GNB1L: variants seen among roughly 807,000 people sequenced by gnomAD.
GNB1L encodes the protein G protein subunit beta 1 like.
A neutral mutation model predicts 29.1 loss-of-function variants in GNB1L; 20 were observed. The observed-to-expected ratio is 0.69, with a 90% confidence interval of 0.48 to 1.00. GNB1L has a LOEUF of 1.00. Ranked by LOEUF, GNB1L falls within the 50% of genes least tolerant of loss-of-function variation. GNB1L has a pLI of 0.00. For synonymous variants in GNB1L, 193 were observed against 206.5 expected, an observed-to-expected ratio of 0.93 and a Z score of 0.56; for missense variants, 421 against 464.9, an observed-to-expected ratio of 0.91 and a Z score of 0.87.
Position 19,788,675 on chromosome 22 carries a change from G to T in GNB1L, c.*34C>A. The T allele has an allele frequency of 6.2e-7, 1 of 1,612,116 alleles. No homozygotes were observed. Among genetic ancestry groups the T allele is most frequent in the Non-Finnish European group, 8.5e-7 (1 of 1,179,410 alleles). On this transcript the variant is annotated 3_prime_UTR_variant, in exon 8 of 8. Coordinates refer to ENST00000329517, the MANE Select transcript of GNB1L (RefSeq NM_053004.3). The stretch of plus-strand genomic sequence containing the variant: ...GGGCCTGATGCCCACCTCCCTGCCC[G>T]CCCTCCTCGTCTCCCGGGAAGGGAG...
At chr22:19,851,783 CCAT>C (rs2081395616) in intron 2 of GNB1L, 1 of 1,613,470 alleles carries the variant, frequency 6.2e-7, no homozygotes, top group South Asian at 1.1e-5. Context: ...GGGCAGGTCC[CCAT>C]CAAGGTAGGG....
intron 2 of GNB1L, among the ~76,000 whole-genome samples, chr22:19,835,311 T>C (rs1231631572): frequency 6.7e-6 from 1 of 149,642 alleles, no homozygotes; most frequent in Non-Finnish European, 1.5e-5. Flanking sequence ...TCCTCTCAAA[T>C]GCACATGGAG....
At chr22:19,830,551 A>G (rs1432801193) in intron 2 of GNB1L, among the ~76,000 whole-genome samples, 1 of 152,228 alleles carries the variant, frequency 6.6e-6, no homozygotes, top group Non-Finnish European at 1.5e-5. Flanking sequence ...GATTTGAACA[A>G]AGGAAAAAGG....
At chr22:19,848,784 A>G (rs970438402) in intron 2 of GNB1L, 3 of 985,554 alleles carry the variant, frequency 3.0e-6, no homozygotes, top group Non-Finnish European at 1.2e-6. Flanking sequence ...CAAAGCCCCA[A>G]TAGGACAGGG....
chr22:19,850,736 T>C, intron 2 of GNB1L: 1 of 1,239,960 alleles, frequency 8.1e-7, no homozygotes, highest in Non-Finnish European at 1.0e-6. Context: ...AGAAACCCCA[T>C]ACAGGAACGA....
In GNB1L at chr22:19,846,947, C is replaced by CCCTCCCAT. The variant is rs1367273821; in HGVS notation, c.-21+7488_-21+7495dup. On this transcript the variant is annotated intron_variant, in intron 2 of 7. Coordinates refer to ENST00000329517, the MANE Select transcript of GNB1L (RefSeq NM_053004.3). ...ATGTTGCCCTGGGATGGATGCAGGC[C>CCCTCCCAT]CCTCCCATCCTCCCATCCTCAGCAG... The CCCTCCCAT allele has an allele frequency of 4.1e-6, 4 of 985,454 alleles. No individual in the cohort carries two copies. In the African/African-American group the frequency reaches 5.2e-5, roughly 13 times the overall value. The allele number at this position is 985,454 out of a possible 1,614,324, so 61.0% of individuals were successfully genotyped here. A position where few individuals can be genotyped will look rare whatever the true frequency, so the allele number is the denominator to read the frequency against.
chr22:19,824,300 T>C (rs980293868), intron 2 of GNB1L, among the ~76,000 whole-genome samples: 1 of 152,246 alleles, frequency 6.6e-6, no homozygotes, highest in African/African-American at 2.4e-5. Context: ...ATCATCACAT[T>C]CCCCTATCTT....
rs1387016242 is a variant in GNB1L at position 19,785,018 on chromosome 22, C to T, written c.*3691G>A. The T allele has an allele frequency of 6.6e-6, 1 of 152,250 alleles. No individual in the cohort carries two copies. Among genetic ancestry groups the T allele is most frequent in the Admixed American group, 6.5e-5 (1 of 15,288 alleles). 9.4% of individuals were successfully genotyped at this position (152,250 alleles called of 1,614,324 possible). On this transcript the variant is annotated 3_prime_UTR_variant, in exon 8 of 8. Transcript: ENST00000329517. This position sits in a 1 kb window ranked among gnomAD's most constrained non-coding sequence, Gnocchi z 4.1. The stretch of plus-strand genomic sequence containing the variant: ...AAAAAGCCCCCAGCCGCGCTGCCAC[C>T]CTGACGCAGCCTTGTGGGGCCCTGA...
At chr22:19,812,995 GGTAGAACAGAT>G (rs1937512304) in intron 4 of GNB1L, among the ~76,000 whole-genome samples, 1 of 152,234 alleles carries the variant, frequency 6.6e-6, no homozygotes, top group Non-Finnish European at 1.5e-5. Context: ...GCGTACACCT[GGTAGAACAGAT>G]GAGGAAACCA....
intron 2 of GNB1L, among the ~76,000 whole-genome samples, chr22:19,831,986 CCT>C (rs1937687412): frequency 6.6e-6 from 1 of 152,086 alleles, no homozygotes; most frequent in South Asian, 2.1e-4. Context: ...CTCATTACAG[CCT>C]CTCTCTCAGG....
intron 2 of GNB1L, among the ~76,000 whole-genome samples, chr22:19,828,669 GT>G (rs1052172241): frequency 5.5e-4 from 83 of 150,412 alleles, no homozygotes; most frequent in Admixed American, 2.7e-3. Flanking sequence ...ATATATAACA[GT>G]TTTTAATATC....
chr22:19,819,764 G>A (rs1411726463), intron 4 of GNB1L, among the ~76,000 whole-genome samples: 4 of 152,166 alleles, frequency 2.6e-5, no homozygotes, highest in East Asian at 1.9e-4. Context: ...GAACACACAC[G>A]TGAGCTCGGG....
intron 7 of GNB1L, among the ~76,000 whole-genome samples, chr22:19,799,997 C>T (rs1937351285): frequency 6.6e-6 from 1 of 152,246 alleles, no homozygotes; most frequent in Non-Finnish European, 1.5e-5. Flanking sequence ...CAACACAGGG[C>T]TCAGCAGGGG....
intron 7 of GNB1L, 133 bp from the exon 8 acceptor site, chr22:19,789,093 T>C (rs2145858028): frequency 1.0e-6 from 1 of 954,394 alleles, no homozygotes; most frequent in Non-Finnish European, 1.6e-6. Flanking sequence ...CACACGCTCC[T>C]ACCCAGCTGA....
chr22:19,786,062 G>C lies in GNB1L; in HGVS notation c.*2647C>G, dbSNP rs1179297740. On this transcript the variant is annotated 3_prime_UTR_variant, in exon 8 of 8. Transcript: ENST00000329517. ...GCTCTCCCAGGCAGCTCAGCCAGGTGAATGAAAGTCCTGGGCCTGCCCTCC... is the reference window on the plus strand; with the variant it reads ...GCTCTCCCAGGCAGCTCAGCCAGGTCAATGAAAGTCCTGGGCCTGCCCTCC... 6.6e-6 allele frequency: 1 copy of C among 152,326 alleles called. No homozygotes were observed. Among genetic ancestry groups the C allele is most frequent in the Non-Finnish European group, 1.5e-5 (1 of 68,100 alleles). The allele number at this position is 152,326 out of a possible 1,614,324, so 9.4% of individuals were successfully genotyped here.
At chr22:19,804,621 A>G (rs5748443) in intron 6 of GNB1L, among the ~76,000 whole-genome samples, 32,105 of 148,596 alleles carry the variant, frequency 0.22, 3,553 homozygotes, top group South Asian at 0.35. Context: ...AATGTTTCAG[A>G]AAAAAAAAAA....
chr22:19,831,762 ATTAATATCT>A (rs1252240665), intron 2 of GNB1L, among the ~76,000 whole-genome samples: 1 of 151,920 alleles, frequency 6.6e-6, no homozygotes, highest in Non-Finnish European at 1.5e-5. Flanking sequence ...AAATTTAAAA[ATTAATATCT>A]TTAAAATATA....
At chr22:19,848,449 T>C in intron 2 of GNB1L, 4 of 985,456 alleles carry the variant, frequency 4.1e-6, no homozygotes, top group Non-Finnish European at 4.8e-6. Context: ...TGAAAGCAGG[T>C]GCTGCAGCAG....
Position 19,816,327 on chromosome 22 carries a change from A to G in GNB1L, c.255-3880T>C, listed in dbSNP as rs1937523890. Among the ~76,000 whole-genome samples the G allele has an allele frequency of 6.6e-6, 1 of 152,202 alleles. No homozygotes were observed. Among genetic ancestry groups the G allele is most frequent in the Admixed American group, 6.5e-5 (1 of 15,286 alleles). ...CAGGACCCATAGTTTTCAAAGGCTC[A>G]TCATCCCTAATTCTGATCATTTATT... On this transcript the variant is annotated intron_variant, in intron 4 of 7. Coordinates refer to ENST00000329517, the MANE Select transcript of GNB1L (RefSeq NM_053004.3). The surrounding 1 kb of genome is among the most constrained non-coding windows in gnomAD (Gnocchi z 4.4).
Sources: allele counts gnomAD v4.1 joint callset (sites outside exome capture counted in the v4.1 genomes callset), GRCh38; gene constraint gnomAD v4.1.1; non-coding constraint Gnocchi (gnomAD v3.1); transcripts MANE v1.5; gene names NCBI Gene and HGNC (gene_info 2026-07-23, HGNC 2026-07-21).